Variants in SEPTIN9 observed in about 807,000 individuals in gnomAD.
SEPTIN9 encodes the protein septin-9.
Under a neutral mutation model 56.6 loss-of-function variants are expected in SEPTIN9, and 13 were observed. That is an observed-to-expected ratio of 0.23 (90% CI 0.15 to 0.37). The LOEUF is 0.37. Among genes scored for constraint, SEPTIN9 ranks in the 10% least tolerant of loss-of-function variants. The probability of loss-of-function intolerance (pLI) is 1.00; values close to 1 mark genes in which losing one functional copy is unlikely to be tolerated. For synonymous variants in SEPTIN9, 332 were observed against 334.1 expected (o/e 0.99, Z 0.07); for missense variants, 650 against 823.1 (o/e 0.79, Z 2.57).
At chr17:77,361,287 G>A (rs996073024) in intron 2 of SEPTIN9, among the ~76,000 whole-genome samples, 4 of 152,280 alleles carry the variant, frequency 2.6e-5, no homozygotes, top group African/African-American at 7.2e-5. Flanking sequence ...TGTGTCAATA[G>A]GTACTGCCTG....
chr17:77,493,279 C>G (rs1223822264), intron 10 of SEPTIN9: 1 of 583,064 alleles, frequency 1.7e-6, no homozygotes, highest in African/African-American at 1.9e-5. Context: ...GCCTCCACCC[C>G]AGACCTCCCC....
intron 1 of SEPTIN9, among the ~76,000 whole-genome samples, chr17:77,303,563 T>C (rs976844190): frequency 6.6e-6 from 1 of 151,774 alleles, no homozygotes; most frequent in Non-Finnish European, 1.5e-5. Context: ...TATACAAAAA[T>C]TAGCCGGAGC....
At chr17:77,472,068 G>T (rs1290119827) in intron 3 of SEPTIN9, among the ~76,000 whole-genome samples, 2 of 152,326 alleles carry the variant, frequency 1.3e-5, no homozygotes, top group African/African-American at 2.4e-5. Context: ...GAATGGTGAT[G>T]GTTTGCAGGT....
In SEPTIN9 at chr17:77,330,216, G is replaced by T. The variant is rs1598203285; in HGVS notation, c.76+23019G>T. On this transcript the variant is annotated intron_variant, in intron 2 of 11. Coordinates refer to ENST00000427177, the MANE Select transcript of SEPTIN9 (RefSeq NM_001113491.2). The surrounding 1 kb of genome is among the most constrained non-coding windows in gnomAD (Gnocchi z 4.4). ...CCGTGGGTGAGAGAGGGCTTCGGGG[G>T]GACTTCCCCCTCTTGGAGCACCTGC... Among the ~76,000 whole-genome samples the T allele has an allele frequency of 6.6e-6, 1 of 152,368 alleles. No homozygotes were observed. The highest frequency in any genetic ancestry group is 2.4e-5 in the African/African-American group (1 of 41,586).
intron 7 of SEPTIN9, among the ~76,000 whole-genome samples, chr17:77,489,457 C>T (rs1449327827): frequency 1.3e-5 from 2 of 152,210 alleles, no homozygotes; most frequent in Non-Finnish European, 2.9e-5. Context: ...CACGGACCCT[C>T]TGTCCTCAGC....
rs894790425 is a variant in SEPTIN9, at chr17:77,400,514, G to A, written c.77-1545G>A. 1 of 152,198 alleles carries A rather than the reference G, an allele frequency of 6.6e-6. No individual in the cohort carries two copies. Among genetic ancestry groups the A allele is most frequent in the Admixed American group, 6.5e-5 (1 of 15,290 alleles). 9.4% of individuals were successfully genotyped at this position (152,198 alleles called of 1,614,324 possible). A position where few individuals can be genotyped will look rare whatever the true frequency, so the allele number is the denominator to read the frequency against. On this transcript the variant is annotated intron_variant, in intron 2 of 11. Coordinates refer to ENST00000427177, the MANE Select transcript of SEPTIN9 (RefSeq NM_001113491.2). This position sits in a 1 kb window ranked among gnomAD's most constrained non-coding sequence, Gnocchi z 4.1. ...TGCCTTGCCCAGGAAGCTGGCAGCTGAGGCGGCCAGGGTTAGGGGGTTGGG... is the reference window on the plus strand; with the variant it reads ...TGCCTTGCCCAGGAAGCTGGCAGCTAAGGCGGCCAGGGTTAGGGGGTTGGG...
chr17:77,361,857 C>A (rs1268048440), intron 2 of SEPTIN9, among the ~76,000 whole-genome samples: 1 of 152,182 alleles, frequency 6.6e-6, no homozygotes, highest in Non-Finnish European at 1.5e-5. Flanking sequence ...TGGTCTCGAT[C>A]TCTTGACCTC....
chr17:77,376,115 G>GT, intron 2 of SEPTIN9: 3 of 986,692 alleles, frequency 3.0e-6, no homozygotes, highest in Non-Finnish European at 3.6e-6. Context: ...TTGAGGGAGA[G>GT]TAGGAATTGG....
Position 77,329,334 on chromosome 17 carries a change from C to T in SEPTIN9, c.76+22137C>T, listed in dbSNP as rs368882509. Among the ~76,000 whole-genome samples the T allele has an allele frequency of 1.6e-4, 25 of 152,272 alleles. No individual in the cohort carries two copies. The highest frequency in any genetic ancestry group is 3.4e-3 in the Middle Eastern group (1 of 294). On this transcript the variant is annotated intron_variant, in intron 2 of 11. Transcript: ENST00000427177. This position sits in a 1 kb window ranked among gnomAD's most constrained non-coding sequence, Gnocchi z 4.3. Reference sequence around the variant, plus strand: ...ATGGACCCACCTGCCTGGCTGCCCCCGTCAGCATCCAGCAGAGGCCACTGG... The same window carrying T: ...ATGGACCCACCTGCCTGGCTGCCCCTGTCAGCATCCAGCAGAGGCCACTGG...
chr17:77,377,825 T>C (rs1308266579), intron 2 of SEPTIN9, among the ~76,000 whole-genome samples: 3 of 152,216 alleles, frequency 2.0e-5, no homozygotes, highest in Non-Finnish European at 4.4e-5. Context: ...TCTTGCGTGA[T>C]GAACCCTGCC....
At position 77,371,602 on chromosome 17, in the gene SEPTIN9, G is replaced by A. The variant is rs571770854; in HGVS notation, c.77-30457G>A. The stretch of plus-strand genomic sequence containing the variant: ...GGACCCCCAAATCCCCAAATACGGC[G>A]TGGACAGGTGGCCCAGTAGGGGCTG... On this transcript the variant is annotated intron_variant, in intron 2 of 11. Transcript: ENST00000427177. The surrounding 1 kb of genome is among the most constrained non-coding windows in gnomAD (Gnocchi z 4.1). Among the ~76,000 whole-genome samples the A allele has an allele frequency of 5.3e-4, 80 of 152,302 alleles. No individual in the cohort carries two copies. Among genetic ancestry groups the A allele is most frequent in the African/African-American group, 1.8e-3 (75 of 41,556 alleles).
rs893888096 is a variant in SEPTIN9, at chr17:77,492,570, G to A, written c.1381-51G>A. The A allele has an allele frequency of 2.6e-6, 4 of 1,523,362 alleles. No individual in the cohort carries two copies. Among genetic ancestry groups the A allele is most frequent in the Non-Finnish European group, 3.6e-6 (4 of 1,097,494 alleles). 94.4% of individuals were successfully genotyped at this position (1,523,362 alleles called of 1,614,324 possible). ...GGTCATGTGGCAAACACCAGTGGGT[G>A]GGTAGAGCTTGCCACAGGGATGGGC... On this transcript the variant is annotated intron_variant, in intron 8 of 11. Coordinates refer to ENST00000427177, the MANE Select transcript of SEPTIN9 (RefSeq NM_001113491.2). The surrounding 1 kb of genome is among the most constrained non-coding windows in gnomAD (Gnocchi z 5.4).
chr17:77,473,108 A>T (rs1238547036), intron 3 of SEPTIN9, among the ~76,000 whole-genome samples: 1 of 152,172 alleles, frequency 6.6e-6, no homozygotes, highest in East Asian at 1.9e-4. Flanking sequence ...TCTGGAGTCC[A>T]CTCCGCAAAC....
intron 3 of SEPTIN9, among the ~76,000 whole-genome samples, chr17:77,426,380 C>T (rs1311298134): frequency 6.6e-6 from 1 of 152,182 alleles, no homozygotes; most frequent in East Asian, 1.9e-4. Flanking sequence ...ACAGCGTGAG[C>T]CCAGGAGCCC....
intron 3 of SEPTIN9, among the ~76,000 whole-genome samples, chr17:77,411,087 G>GAAAA: frequency 7.5e-6 from 1 of 132,740 alleles, no homozygotes; most frequent in East Asian, 2.2e-4. Flanking sequence ...TCCCATCTGG[G>GAAAA]AAAAAAAAAA....
intron 2 of SEPTIN9, among the ~76,000 whole-genome samples, chr17:77,307,441 G>C (rs531271987): frequency 6.6e-6 from 1 of 152,346 alleles, no homozygotes; most frequent in African/African-American, 2.4e-5. Context: ...CAGGCTCAGG[G>C]AGCAAGCCCG....
rs1012259859 is a variant in SEPTIN9, at chr17:77,401,525, C to T, written c.77-534C>T. Among the ~76,000 whole-genome samples, 3 of 152,168 alleles carry T rather than the reference C, an allele frequency of 2.0e-5. No homozygotes were observed. The South Asian group carries it at 6.2e-4, about 32-fold the overall frequency. ...CTTTGGGAGGCCGAGGCGGGTGGATCGCTTGAGGTCAGGAGTCCGAGACCA... is the reference window on the plus strand; with the variant it reads ...CTTTGGGAGGCCGAGGCGGGTGGATTGCTTGAGGTCAGGAGTCCGAGACCA... On this transcript the variant is annotated intron_variant, in intron 2 of 11. Coordinates refer to ENST00000427177, the MANE Select transcript of SEPTIN9 (RefSeq NM_001113491.2).
Position 77,475,473 on chromosome 17 carries a change from G to C in SEPTIN9, c.722-6671G>C. ...ACTCAGCTTTAAGAAGCCCCTTTGT[G>C]GGGGACAGGGAGCATCTGTTAGTTT... On this transcript the variant is annotated intron_variant, in intron 3 of 11. Transcript: ENST00000427177. This position sits in a 1 kb window ranked among gnomAD's most constrained non-coding sequence, Gnocchi z 4.6. 6.3e-7 allele frequency: 1 copy of C among 1,577,082 alleles called. No homozygotes were observed. Among genetic ancestry groups the C allele is most frequent in the Non-Finnish European group, 8.6e-7 (1 of 1,163,548 alleles).
chr17:77,338,855 C>G (rs561547591), intron 2 of SEPTIN9, among the ~76,000 whole-genome samples: 1 of 152,204 alleles, frequency 6.6e-6, no homozygotes, highest in African/African-American at 2.4e-5. Flanking sequence ...TTCTTTCAAC[C>G]CTGGCCACGG....
Sources: gnomAD v4.1 joint callset for allele counts (sites outside exome capture counted in the v4.1 genomes callset) on GRCh38, gnomAD v4.1.1 for gene constraint, Gnocchi (gnomAD v3.1) non-coding constraint, MANE v1.5 for transcripts, NCBI Gene and HGNC (gene_info 2026-07-23, HGNC 2026-07-21) for gene names.